PTPRK: variants seen among roughly 807,000 people sequenced by gnomAD.
The protein encoded by PTPRK is receptor-type tyrosine-protein phosphatase kappa.
In PTPRK, 75 loss-of-function variants were observed where a neutral mutation model predicts 178.0. The observed-to-expected ratio is 0.42, with a 90% CI of 0.35 to 0.51. PTPRK has a LOEUF of 0.51. Among genes scored for constraint, PTPRK ranks in the 20% least tolerant of loss-of-function variants. The pLI is 0.02. For missense variants in PTPRK, 1,441 were observed against 1,797.8 expected, an observed-to-expected ratio of 0.80 and a Z score of 3.59; for synonymous variants, 637 against 620.6, an observed-to-expected ratio of 1.03 and a Z score of -0.39.
chr6:128,335,625 C>T (rs964086997), intron 2 of PTPRK, among the ~76,000 whole-genome samples: 6 of 151,812 alleles, frequency 4.0e-5, no homozygotes, highest in African/African-American at 1.2e-4. Flanking sequence ...TTCATCTCAC[C>T]AGTAGCTTCA....
At chr6:128,488,713 G>A (rs1853332554) in intron 1 of PTPRK, among the ~76,000 whole-genome samples, 1 of 152,142 alleles carries the variant, frequency 6.6e-6, no homozygotes, top group South Asian at 2.1e-4. Flanking sequence ...GGCAGTAAAG[G>A]CATATGGTTC....
chr6:128,219,181 A>G (rs1490143879), intron 5 of PTPRK, 85 bp from the exon 6 acceptor site: 1 of 1,268,008 alleles, frequency 7.9e-7, no homozygotes, highest in Non-Finnish European at 1.1e-6. Flanking sequence ...TATCTGTGAT[A>G]AATTATTCTT....
chr6:128,030,322 A>G (rs1775101716), intron 13 of PTPRK, among the ~76,000 whole-genome samples: 1 of 152,102 alleles, frequency 6.6e-6, no homozygotes, highest in Non-Finnish European at 1.5e-5. Context: ...AAGCAGCACA[A>G]CCTCCAAGTG....
At chr6:128,062,287 C>T (rs1780976277) in intron 13 of PTPRK, 1 of 166,524 alleles carries the variant, frequency 6.0e-6, no homozygotes, top group South Asian at 2.1e-4. Context: ...TCATAGCTCA[C>T]TGCAGCCTCA....
chr6:128,495,633 T>C (rs114946236), intron 1 of PTPRK, among the ~76,000 whole-genome samples: 1,531 of 152,244 alleles, frequency 0.01, 23 homozygotes, highest in African/African-American at 0.035. Context: ...ACTGCAACAA[T>C]GTCCTCCTAA....
intron 1 of PTPRK, among the ~76,000 whole-genome samples, chr6:128,455,880 C>A (rs1848325424): frequency 6.6e-6 from 1 of 152,082 alleles, no homozygotes. Flanking sequence ...ATTTATACAG[C>A]AAACACAATA....
intron 7 of PTPRK, among the ~76,000 whole-genome samples, chr6:128,105,380 A>G (rs1441182691): frequency 1.3e-5 from 2 of 151,886 alleles, no homozygotes; most frequent in Non-Finnish European, 1.5e-5. Flanking sequence ...TGATCCGCCC[A>G]CCTCAGCCTC....
intron 6 of PTPRK, among the ~76,000 whole-genome samples, chr6:128,202,606 T>TGCTGACAG (rs138246007): frequency 6.6e-6 from 1 of 152,050 alleles, no homozygotes. Flanking sequence ...AGCCAGACAG[T>TGCTGACAG]GCTGACAGGC....
chr6:128,309,351 G>A (rs1275682332), intron 3 of PTPRK, among the ~76,000 whole-genome samples: 1 of 152,054 alleles, frequency 6.6e-6, no homozygotes, highest in African/African-American at 2.4e-5. Context: ...TATAAATGGG[G>A]CTTCCTGGAA....
At chr6:128,508,559 G>A (rs928920239) in intron 1 of PTPRK, among the ~76,000 whole-genome samples, 3 of 152,016 alleles carry the variant, frequency 2.0e-5, no homozygotes, top group Admixed American at 6.6e-5. Context: ...AATATCTGGA[G>A]GAAATACAAA....
intron 3 of PTPRK, among the ~76,000 whole-genome samples, chr6:128,265,057 A>G (rs1818738092): frequency 6.6e-6 from 1 of 152,196 alleles, no homozygotes; most frequent in Admixed American, 6.6e-5. Context: ...TGTCTTTATC[A>G]GCAGCGTGAA....
At chr6:128,356,055 T>C (rs570745227) in intron 2 of PTPRK, among the ~76,000 whole-genome samples, 114 of 152,298 alleles carry the variant, frequency 7.5e-4, no homozygotes, top group African/African-American at 2.7e-3. Context: ...CTTAGTCAAA[T>C]AGAGAAATGC....
intron 3 of PTPRK, among the ~76,000 whole-genome samples, chr6:128,262,001 C>G (rs1818248215): frequency 6.6e-6 from 1 of 152,136 alleles, no homozygotes; most frequent in South Asian, 2.1e-4. Context: ...GAATCCAATA[C>G]CAGGAGTTAC....
At chr6:128,389,108 G>A (rs1839181950) in intron 2 of PTPRK, among the ~76,000 whole-genome samples, 1 of 152,070 alleles carries the variant, frequency 6.6e-6, no homozygotes, top group Non-Finnish European at 1.5e-5. Context: ...TTTCTAAGTT[G>A]TCATATGCTC....
intron 13 of PTPRK, among the ~76,000 whole-genome samples, chr6:128,044,764 C>CT (rs997551434): frequency 6.6e-6 from 1 of 151,870 alleles, no homozygotes; most frequent in Non-Finnish European, 1.5e-5. Context: ...TTATACTGCT[C>CT]TTTTTTTCTT....
chr6:128,412,846 C>T (rs1842454349), intron 1 of PTPRK, among the ~76,000 whole-genome samples: 1 of 152,170 alleles, frequency 6.6e-6, no homozygotes, highest in South Asian at 2.1e-4. Context: ...GCACTCCTTT[C>T]TCCCTATTTC....
intron 2 of PTPRK, among the ~76,000 whole-genome samples, chr6:128,345,217 G>C (rs1832269146): frequency 1.3e-5 from 2 of 152,120 alleles, no homozygotes; most frequent in African/African-American, 4.8e-5. Flanking sequence ...GGAGTCTTCA[G>C]TGAATGCTAT....
intron 1 of PTPRK, among the ~76,000 whole-genome samples, chr6:128,415,392 T>G (rs1285942161): frequency 6.6e-6 from 1 of 152,030 alleles, no homozygotes; most frequent in African/African-American, 2.4e-5. Context: ...TTGCCACAAT[T>G]AAGAATGCTT....
chr6:128,336,081 A>G (rs1438422851), intron 2 of PTPRK, among the ~76,000 whole-genome samples: 1 of 152,230 alleles, frequency 6.6e-6, no homozygotes, highest in Non-Finnish European at 1.5e-5. Flanking sequence ...AATTAATTCA[A>G]CTTTGTCTTA....
Sources: allele counts gnomAD v4.1 joint callset (sites outside exome capture counted in the v4.1 genomes callset), GRCh38; gene constraint gnomAD v4.1.1; transcripts MANE v1.5; gene names NCBI Gene and HGNC (gene_info 2026-07-23, HGNC 2026-07-21).